KLHL20: variants seen among roughly 807,000 people sequenced by gnomAD.
The protein encoded by KLHL20 is kelch like family member 20.
Under a neutral mutation model 69.5 loss-of-function variants are expected in KLHL20, and 29 were observed. The observed-to-expected ratio is 0.42, with a 90% CI of 0.31 to 0.57. The LOEUF is 0.57. Ranked by LOEUF, KLHL20 falls within the 20% of genes least tolerant of loss-of-function variation. The pLI is 0.18. For synonymous variants in KLHL20, 253 were observed against 265.2 expected, an observed-to-expected ratio of 0.95 and a Z score of 0.45; for missense variants, 419 against 776.0, an observed-to-expected ratio of 0.54 and a Z score of 5.47.
At chr1:173,777,591 A>G (rs1316229382) in intron 10 of KLHL20, among the ~76,000 whole-genome samples, 1 of 152,070 alleles carries the variant, frequency 6.6e-6, no homozygotes, top group Non-Finnish European at 1.5e-5. Flanking sequence ...TTCCCTCTGT[A>G]CCCAGTTTTT....
intron 9 of KLHL20, 55 bp from the exon 10 acceptor site, chr1:173,775,577 CTG>C: frequency 7.0e-7 from 1 of 1,428,284 alleles, no homozygotes; most frequent in Non-Finnish European, 9.8e-7. Context: ...ATAAAGAAAA[CTG>C]GAGGTGAGAG....
chr1:173,741,420 A>G (rs1672803705), intron 3 of KLHL20, among the ~76,000 whole-genome samples: 1 of 152,232 alleles, frequency 6.6e-6, no homozygotes, highest in Admixed American at 6.5e-5. Flanking sequence ...TTAAACATAC[A>G]AAATAAAACC....
chr1:173,724,864 A>G (rs1671884633), intron 2 of KLHL20, among the ~76,000 whole-genome samples: 1 of 152,212 alleles, frequency 6.6e-6, no homozygotes, highest in South Asian at 2.1e-4. Context: ...TAAACATAAT[A>G]AAAGTATTTT....
chr1:173,753,895 C>T (rs1571899936), intron 5 of KLHL20, among the ~76,000 whole-genome samples: 1 of 152,162 alleles, frequency 6.6e-6, no homozygotes, highest in East Asian at 1.9e-4. Flanking sequence ...AAAGTATATA[C>T]AAAATGTAAT....
At chr1:173,715,740 G>C (rs1671437840) in intron 1 of KLHL20, 1 of 357,670 alleles carries the variant, frequency 2.8e-6, no homozygotes, top group African/African-American at 2.1e-5. Context: ...AGCACTTTTT[G>C]AAGAGAAACA....
In KLHL20 at chr1:173,717,868, G is replaced by A. The variant is rs140318948; in HGVS notation, c.23+1802G>A. Reference sequence around the variant, plus strand: ...TTATAAAGTTTTATGAAATCAATTGGCATTTTATTAGTAAAGTTTCATTAC... The same window carrying A: ...TTATAAAGTTTTATGAAATCAATTGACATTTTATTAGTAAAGTTTCATTAC... On this transcript the variant is annotated intron_variant, in intron 2 of 11. Coordinates refer to ENST00000209884, the MANE Select transcript of KLHL20 (RefSeq NM_014458.4). Among the ~76,000 whole-genome samples, 19 of 152,162 alleles carry A rather than the reference G, an allele frequency of 1.2e-4. No homozygotes were observed. The East Asian group carries it at 3.7e-3, about 29-fold the overall frequency.
At chr1:173,728,142 G>C (rs1182457318) in intron 2 of KLHL20, among the ~76,000 whole-genome samples, 1 of 151,926 alleles carries the variant, frequency 6.6e-6, no homozygotes, top group African/African-American at 2.4e-5. Context: ...GATCAAAAGA[G>C]ACAAGGCCAT....
At chr1:173,763,382 A>C (rs1647446601) in intron 7 of KLHL20, among the ~76,000 whole-genome samples, 1 of 152,214 alleles carries the variant, frequency 6.6e-6, no homozygotes, top group African/African-American at 2.4e-5. Context: ...TTAGAAAAAA[A>C]CAATTATAAA....
chr1:173,732,997 TATAAAG>T (rs1174963607), intron 2 of KLHL20, among the ~76,000 whole-genome samples: 3 of 151,270 alleles, frequency 2.0e-5, no homozygotes, highest in South Asian at 2.1e-4. Flanking sequence ...AAGATTTCTA[TATAAAG>T]ATAAACTTCA....
At position 173,722,268 on chromosome 1, in the gene KLHL20, A is replaced by G. The variant is rs527700696; in HGVS notation, c.23+6202A>G. Among the ~76,000 whole-genome samples the G allele has an allele frequency of 6.6e-5, 10 of 152,090 alleles. No individual in the cohort carries two copies. The East Asian group carries it at 1.7e-3, about 27-fold the overall frequency. ...GCCCAGCTAGCTTTTACATTCTTAA[A>G]TGGTTGAGGAAAAAAGGCAAAAGAT... On this transcript the variant is annotated intron_variant, in intron 2 of 11. Coordinates refer to ENST00000209884, the MANE Select transcript of KLHL20 (RefSeq NM_014458.4).
At chr1:173,761,023 C>T (rs1273461582) in intron 7 of KLHL20, among the ~76,000 whole-genome samples, 1 of 152,140 alleles carries the variant, frequency 6.6e-6, no homozygotes, top group Non-Finnish European at 1.5e-5. Context: ...CTCACATAAA[C>T]TTAAAGCAGT....
intron 3 of KLHL20, chr1:173,741,615 A>T (rs1342263594): frequency 2.6e-5 from 12 of 455,660 alleles, no homozygotes; most frequent in African/African-American, 2.2e-4. Context: ...GTCAAAGCCA[A>T]GCTGGGGAAA....
chr1:173,753,929 A>G (rs1261121180), intron 5 of KLHL20, among the ~76,000 whole-genome samples: 2 of 152,250 alleles, frequency 1.3e-5, no homozygotes, highest in African/African-American at 4.8e-5. Flanking sequence ...AATTTGACAG[A>G]TTGTAAGATT....
rs957290320 is a variant in KLHL20, at chr1:173,765,159, T to TA, written c.1152-979dup. Among the ~76,000 whole-genome samples the TA allele has an allele frequency of 6.0e-4, 91 of 151,744 alleles. 1 individual carries two copies. Among genetic ancestry groups the TA allele is most frequent in the African/African-American group, 2.1e-3 (88 of 41,312 alleles). ...CAAACAAACAAAAATCAACGAAATT[T>TA]AAAAAAAAGATATGTCTACAAAAAG... On this transcript the variant is annotated intron_variant, in intron 7 of 11. Coordinates refer to ENST00000209884, the MANE Select transcript of KLHL20 (RefSeq NM_014458.4).
In KLHL20 at chr1:173,786,328, T is replaced by C. The variant is rs1410602045; in HGVS notation, c.*1081T>C. ...ACAATGTATCATTATCTTCATTCTATAAGGTCATTGTTACTACTTCTCTCA... is the reference window on the plus strand; with the variant it reads ...ACAATGTATCATTATCTTCATTCTACAAGGTCATTGTTACTACTTCTCTCA... On this transcript the variant is annotated 3_prime_UTR_variant, in exon 12 of 12. Transcript: ENST00000209884. The C allele has an allele frequency of 6.6e-6, 1 of 152,644 alleles. No homozygotes were observed. Among genetic ancestry groups the C allele is most frequent in the South Asian group, 2.1e-4 (1 of 4,832 alleles). The allele number at this position is 152,644 out of a possible 1,614,324, so 9.5% of individuals were successfully genotyped here. A position where few individuals can be genotyped will look rare whatever the true frequency, so the allele number is the denominator to read the frequency against.
intron 8 of KLHL20, among the ~76,000 whole-genome samples, chr1:173,773,564 C>T (rs1405278920): frequency 6.6e-6 from 1 of 151,912 alleles, no homozygotes; most frequent in East Asian, 1.9e-4. Flanking sequence ...ATGCAAAAGA[C>T]TTCTACTTTC....
intron 11 of KLHL20, among the ~76,000 whole-genome samples, chr1:173,784,055 A>G (rs1462314579): frequency 6.6e-6 from 1 of 151,900 alleles, no homozygotes; most frequent in Non-Finnish European, 1.5e-5. Flanking sequence ...CTCTAGCCTG[A>G]GTGGAAGAGC....
intron 3 of KLHL20, among the ~76,000 whole-genome samples, chr1:173,739,341 G>A (rs890686533): frequency 6.6e-6 from 1 of 152,078 alleles, no homozygotes; most frequent in African/African-American, 2.4e-5. Context: ...CAAAGTGCTG[G>A]GATTACAGGC....
At chr1:173,730,127 A>G (rs931430493) in intron 2 of KLHL20, among the ~76,000 whole-genome samples, 4 of 151,622 alleles carry the variant, frequency 2.6e-5, no homozygotes, top group African/African-American at 4.9e-5. Context: ...CAATTGCTAC[A>G]AAGAGAATAA....
Sources: allele counts gnomAD v4.1 joint callset (sites outside exome capture counted in the v4.1 genomes callset), GRCh38; gene constraint gnomAD v4.1.1; transcripts MANE v1.5; gene names NCBI Gene and HGNC (gene_info 2026-07-23, HGNC 2026-07-21).